Variants in SEC16A observed in about 807,000 individuals in gnomAD.
SEC16A encodes protein transport protein Sec16A.
A neutral mutation model predicts 221.9 loss-of-function variants in SEC16A; 110 were observed. The observed-to-expected ratio is 0.50, with a 90% CI of 0.42 to 0.58. The LOEUF (loss-of-function observed/expected upper bound fraction) is 0.58. SEC16A is among the 20% of genes least tolerant of loss of function. The pLI, the probability that SEC16A is intolerant of heterozygous loss-of-function variation, is 0.00. For missense variants in SEC16A, 3,165 were observed against 3,097.8 expected (o/e 1.02, Z -0.52); for synonymous variants, 1,393 against 1,257.7 (o/e 1.11, Z -2.28).
At chr9:136,450,367 G>A (rs1051087552) in intron 23 of SEC16A, among the ~76,000 whole-genome samples, 1 of 152,036 alleles carries the variant, frequency 6.6e-6, no homozygotes, top group African/African-American at 2.4e-5. Context: ...AAAATGGAAA[G>A]GAAAGCCAGG....
intron 4 of SEC16A, among the ~76,000 whole-genome samples, chr9:136,469,186 T>A (rs1840544856): frequency 6.6e-6 from 1 of 152,172 alleles, no homozygotes; most frequent in African/African-American, 2.4e-5. Context: ...AATGCCAGTT[T>A]CACAGCCTCG....
At chr9:136,484,147 T>A, upstream of SEC16A, 1 of 178,218 alleles carries the variant, frequency 5.6e-6, no homozygotes, top group Non-Finnish European at 1.1e-5. Flanking sequence ...CCAGCCCTGC[T>A]GTCCTCCCGG....
intron 1 of SEC16A, among the ~76,000 whole-genome samples, chr9:136,481,516 G>A (rs1376979025): frequency 6.6e-6 from 1 of 152,186 alleles, no homozygotes; most frequent in Non-Finnish European, 1.5e-5. Flanking sequence ...TGAAAATGCA[G>A]TATTCATAAA....
rs372382873 is a variant in SEC16A at position 136,475,988 on chromosome 9, A to G, written c.1628T>C (p.Val543Ala). Reference sequence around the variant, plus strand: ...AACTTCTTGCTGAATGAATGTGCCAACCAGCTCCTGGGGCCTGGCTGAGCC... The same window carrying G: ...AACTTCTTGCTGAATGAATGTGCCAGCCAGCTCCTGGGGCCTGGCTGAGCC... The part of the protein sequence containing the change: ...LSGSARPQEL[V>A]GTFIQQEVGK... The change falls in exon 3 of 32, where the codon GTT becomes GCT. Residue 543 changes from valine to alanine, a missense_variant. Val to Ala is a moderately conservative substitution (Grantham distance 64). Around this residue, in one of 3 missense-constraint regions of SEC16A, gnomAD observed 2,030 missense variants for 1,923.1 expected, o/e 1.06. Coordinates refer to ENST00000684901, the MANE Select transcript of SEC16A (RefSeq NM_014866.2). The surrounding 1 kb of genome is among the most constrained non-coding windows in gnomAD (Gnocchi z 5.0). 83 of 1,613,410 alleles carry G rather than the reference A, an allele frequency of 5.1e-5. No individual in the cohort carries two copies. In the African/African-American group the frequency reaches 1.1e-3, roughly 22 times the overall value.
intron 13 of SEC16A, 41 bp downstream of exon 13, chr9:136,461,136 A>G: frequency 6.6e-7 from 1 of 1,510,268 alleles, no homozygotes; most frequent in Non-Finnish European, 9.1e-7. Flanking sequence ...ACAGGGAGCC[A>G]GCAGGGCTCG....
At position 136,459,836 on chromosome 9, in the gene SEC16A, G is replaced by A. The variant is rs1395750753; in HGVS notation, c.5112C>T (p.His1704=). The A allele has an allele frequency of 1.9e-6, 3 of 1,613,658 alleles. No homozygotes were observed. Among genetic ancestry groups the A allele is most frequent in the Admixed American group, 1.7e-5 (1 of 59,956 alleles). The change falls in exon 15 of 32, where the codon CAC becomes CAT. Residue 1704 remains histidine, a synonymous_variant. Transcript: ENST00000684901. The surrounding 1 kb of genome is among the most constrained non-coding windows in gnomAD (Gnocchi z 6.1). ...TCAAGTTGGACAAGACCATGGCGAG[G>A]TGCGGCCTCCAATCTCCCCATTTCT... ...GDEKWGDWRP[H]LAMVLSNLNN...
chr9:136,483,472 T>C (rs1360526194), upstream of SEC16A: 4 of 816,562 alleles, frequency 4.9e-6, no homozygotes, highest in Admixed American at 9.1e-5. Context: ...TCCCCGCCCG[T>C]GGCCCCGCCC....
At chr9:136,483,049 T>A, upstream of SEC16A, 1 of 983,292 alleles carries the variant, frequency 1.0e-6, no homozygotes, top group Non-Finnish European at 1.2e-6. Context: ...CCGGCTCGGG[T>A]CTCCGCGGCC....
At position 136,475,620 on chromosome 9, in the gene SEC16A, T is replaced by C; in HGVS notation, c.1996A>G (p.Met666Val). Reference protein sequence around the residue: ...PGNLEQPPDNMETLCAPQVCP... With the variant: ...PGNLEQPPDNVETLCAPQVCP... ...ACCTGGGGTGCACAGAGGGTCTCCA[T>C]GTTGTCTGGTGGCTGCTCCAGGTTG... Residue 666 changes from methionine to valine, a missense_variant, in exon 3 of 32, where the codon ATG (methionine) becomes GTG (valine). Physicochemically the swap from Met to Val is conservative, Grantham distance 21 (BLOSUM62 1). Around this residue, in one of 3 missense-constraint regions of SEC16A, gnomAD observed 2,030 missense variants for 1,923.1 expected, o/e 1.06. Transcript: ENST00000684901. The surrounding 1 kb of genome is among the most constrained non-coding windows in gnomAD (Gnocchi z 5.0). 2 of 1,613,686 alleles carry C rather than the reference T, an allele frequency of 1.2e-6. No homozygotes were observed. Among genetic ancestry groups the C allele is most frequent in the Non-Finnish European group, 1.7e-6 (2 of 1,179,860 alleles).
chr9:136,454,068 A>G (rs775303085), intron 21 of SEC16A, 41 bp downstream of exon 21: 6 of 1,506,856 alleles, frequency 4.0e-6, no homozygotes, highest in Non-Finnish European at 5.4e-6. Flanking sequence ...ACCACACCCC[A>G]TGCTGCTTCT....
At position 136,475,518 on chromosome 9, in the gene SEC16A, C is replaced by T. The variant is rs1313650451; in HGVS notation, c.2098G>A (p.Val700Met). 1.2e-6 allele frequency: 2 copies of T among 1,612,602 alleles called. No homozygotes were observed. Among genetic ancestry groups the T allele is most frequent in the Non-Finnish European group, 1.7e-6 (2 of 1,179,088 alleles). ...GGCCTCTTCTCGGGTGCTGGATACA[C>T]AGTATCCAAGGGCGGTGCCCCTGCG... The part of the protein sequence containing the change: ...PHAGAPPLDT[V>M]YPAPEKRPSA... Residue 700 changes from valine to methionine, a missense_variant, in exon 3 of 32, where the codon GTG becomes ATG. By Grantham distance (21) the Val-to-Met change is conservative (BLOSUM62 1). This residue lies in a region of SEC16A where 2,030 missense variants were observed against 1,923.1 expected (regional missense o/e 1.06). Transcript: ENST00000684901. The surrounding 1 kb of genome is among the most constrained non-coding windows in gnomAD (Gnocchi z 5.0).
chr9:136,477,155 G>A lies in SEC16A; in HGVS notation c.461C>T (p.Thr154Ile). 6.2e-7 allele frequency: 1 copy of A among 1,613,852 alleles called. No individual in the cohort carries two copies. The highest frequency in any genetic ancestry group is 1.1e-5 in the South Asian group (1 of 91,084). Residue 154 changes from threonine to isoleucine, a missense_variant, in exon 3 of 32, where the codon ACT (threonine) becomes ATT (isoleucine). Thr to Ile is a moderately conservative substitution (Grantham distance 89). Transcript: ENST00000684901. The stretch of plus-strand genomic sequence containing the variant: ...AATGTAGTGAGGAAGATATGGCAGA[G>A]TCTGAACTTCAGGCTCTGAACTGGG... Reference protein sequence around the residue: ...VGPSSEPEVQTLPYLPHYIPG... With the variant: ...VGPSSEPEVQILPYLPHYIPG...
At chr9:136,445,135 T>C (rs747794199) in intron 29 of SEC16A, 24 bp from the exon 30 acceptor site, 2 of 1,591,502 alleles carry the variant, frequency 1.3e-6, no homozygotes, top group South Asian at 1.1e-5. Context: ...AGAACACACA[T>C]AAAACACGGA....
rs953571777 is a variant in SEC16A, at chr9:136,441,516, G to A, written c.*239C>T. On this transcript the variant is annotated 3_prime_UTR_variant, in exon 32 of 32. Coordinates refer to ENST00000684901, the MANE Select transcript of SEC16A (RefSeq NM_014866.2). ...CTAAGAAAGTCACATCATTCTTTTCGGCAAACAATTCTGAGTCAAAGATTC... is the reference window on the plus strand; with the variant it reads ...CTAAGAAAGTCACATCATTCTTTTCAGCAAACAATTCTGAGTCAAAGATTC... The A allele has an allele frequency of 5.4e-6, 3 of 555,432 alleles. No homozygotes were observed. The highest frequency in any genetic ancestry group is 2.9e-5 in the East Asian group (1 of 34,168). The allele number at this position is 555,432 out of a possible 1,614,324, so 34.4% of individuals were successfully genotyped here. A position where few individuals can be genotyped will look rare whatever the true frequency, so the allele number is the denominator to read the frequency against.
chr9:136,442,523 C>T (rs1004193755), intron 31 of SEC16A, among the ~76,000 whole-genome samples: 3 of 152,220 alleles, frequency 2.0e-5, no homozygotes, highest in Non-Finnish European at 4.4e-5. Flanking sequence ...CCTTGGACCC[C>T]GCTCAGCTCC....
At chr9:136,483,462 T>TA, upstream of SEC16A, 2 of 849,096 alleles carry the variant, frequency 2.4e-6, no homozygotes, top group South Asian at 5.6e-5. Flanking sequence ...CGGCCGTCCT[T>TA]CCCCGCCCGT....
At position 136,460,121 on chromosome 9, in the gene SEC16A, A is replaced by T. The variant is rs1440360654; in HGVS notation, c.4994T>A (p.Phe1665Tyr). The change falls in exon 14 of 32, where the codon TTT becomes TAT. Residue 1665 changes from phenylalanine (F) to tyrosine (Y), a missense_variant and splice_region_variant. Transcript: ENST00000684901. ...SRTHARVMTR[F>Y]ANSLPINDPL... ...GTCGTTGATTGGGAGGCTGTTAGCA[A>T]ACCTAGGCAGACATAAACACAGAAA... 1.2e-6 allele frequency: 2 copies of T among 1,602,766 alleles called. No homozygotes were observed.
At chr9:136,483,546 C>A (rs889452482), upstream of SEC16A, 12 of 985,048 alleles carry the variant, frequency 1.2e-5, no homozygotes, top group African/African-American at 1.8e-4. Flanking sequence ...CCCGGCCAGG[C>A]GCGCCGGGGC....
In SEC16A at chr9:136,464,428, T is replaced by G; in HGVS notation, c.4438A>C (p.Ser1480Arg). Residue 1480 changes from serine (S) to arginine (R), a missense_variant, in exon 9 of 32, where the codon AGC becomes CGC. By Grantham distance (110) the Ser-to-Arg change is moderately radical. Transcript: ENST00000684901. ...EGQPALVEVH[S>R]MEALLQHTSE... ...TCTGCGTGTGCCATTACCTCCATGC[T>G]GTGGACCTCCACCAAGGCCGGCTGT... The G allele has an allele frequency of 6.2e-7, 1 of 1,610,620 alleles. No homozygotes were observed. The highest frequency in any genetic ancestry group is 8.5e-7 in the Non-Finnish European group (1 of 1,177,058).
Sources: allele counts gnomAD v4.1 joint callset (sites outside exome capture counted in the v4.1 genomes callset), GRCh38; gene constraint gnomAD v4.1.1; regional missense constraint gnomAD v4.1.1; non-coding constraint Gnocchi (gnomAD v3.1); transcripts MANE v1.5; gene names NCBI Gene and HGNC (gene_info 2026-07-23, HGNC 2026-07-21).